FOXP1: variants seen among roughly 807,000 people sequenced by gnomAD.
The protein encoded by FOXP1 is forkhead box P1.
A neutral mutation model predicts 98.2 loss-of-function variants in FOXP1; 15 were observed. That is an observed-to-expected ratio of 0.15 (90% CI 0.10 to 0.24). FOXP1 has a LOEUF of 0.24. Among genes scored for constraint, FOXP1 ranks in the 10% least tolerant of loss-of-function variants. The pLI is 1.00. For missense variants in FOXP1, 633 were observed against 848.5 expected, an observed-to-expected ratio of 0.75 and a Z score of 3.15; for synonymous variants, 371 against 314.5, an observed-to-expected ratio of 1.18 and a Z score of -1.90.
chr3:71,179,231 C>T (rs1180794127), intron 6 of FOXP1, among the ~76,000 whole-genome samples: 5 of 148,336 alleles, frequency 3.4e-5, no homozygotes, highest in East Asian at 2.0e-4. Context: ...CGGGTTCAAG[C>T]GATTCTCCTG....
intron 3 of FOXP1, among the ~76,000 whole-genome samples, chr3:71,468,824 G>C (rs1011902212): frequency 1.3e-5 from 2 of 152,186 alleles, no homozygotes; most frequent in Non-Finnish European, 2.9e-5. Context: ...ACAAGCATCA[G>C]TGTGAAAGGA....
intron 12 of FOXP1, among the ~76,000 whole-genome samples, chr3:71,010,936 T>A (rs1420836344): frequency 1.4e-5 from 2 of 143,036 alleles, no homozygotes; most frequent in East Asian, 4.3e-4. Flanking sequence ...GAAAACAAAG[T>A]TGGTTTCATC....
chr3:70,960,880 C>T (rs1485520970), intron 20 of FOXP1, among the ~76,000 whole-genome samples: 117 of 143,328 alleles, frequency 8.2e-4, no homozygotes, highest in African/African-American at 2.9e-3. Flanking sequence ...CTTGCTCTGT[C>T]GCCCAGGCTG....
intron 7 of FOXP1, among the ~76,000 whole-genome samples, chr3:71,059,229 G>A (rs1005357603): frequency 3.3e-5 from 5 of 152,188 alleles, no homozygotes; most frequent in East Asian, 3.9e-4. Flanking sequence ...GCCAAGGCTC[G>A]CCTGCCAATC....
intron 7 of FOXP1, among the ~76,000 whole-genome samples, chr3:71,094,282 T>C (rs1045434909): frequency 4.1e-5 from 6 of 145,120 alleles, no homozygotes; most frequent in Admixed American, 6.8e-5. Context: ...TCTTTTCTTT[T>C]TTTTTTTTTT....
chr3:71,241,910 T>G (rs2067314824), intron 5 of FOXP1, among the ~76,000 whole-genome samples: 1 of 152,342 alleles, frequency 6.6e-6, no homozygotes, highest in African/African-American at 2.4e-5. Context: ...AATATATGTT[T>G]TAGAAGAGAG....
chr3:70,979,604 A>ACAG (rs2038425607), intron 14 of FOXP1, among the ~76,000 whole-genome samples: 3 of 141,098 alleles, frequency 2.1e-5, no homozygotes, highest in Admixed American at 6.8e-5. Flanking sequence ...ATCACTTACC[A>ACAG]TAGTAAGTCT....
chr3:70,957,680 C>T lies in FOXP1; in HGVS notation c.*1567G>A, dbSNP rs1181259094. 2 of 233,360 alleles carry T rather than the reference C, an allele frequency of 8.6e-6. No homozygotes were observed. 14.5% of individuals were successfully genotyped at this position (233,360 alleles called of 1,614,324 possible). A position where few individuals can be genotyped will look rare whatever the true frequency, so the allele number is the denominator to read the frequency against. On this transcript the variant is annotated 3_prime_UTR_variant, in exon 21 of 21. Transcript: ENST00000649528. ...TGAGGTTGTACTGACCTGTAACCAT[C>T]ACATTTCTGCATACCATGTTTGGGA... is the stretch of plus-strand genomic sequence containing the variant.
At chr3:71,168,990 G>A (rs940882538) in intron 6 of FOXP1, among the ~76,000 whole-genome samples, 1 of 152,182 alleles carries the variant, frequency 6.6e-6, no homozygotes, top group African/African-American at 2.4e-5. Flanking sequence ...CATGGGAGGA[G>A]AGCGTAAAAC....
intron 11 of FOXP1, among the ~76,000 whole-genome samples, chr3:71,018,474 G>A (rs776824845): frequency 6.6e-6 from 1 of 152,086 alleles, no homozygotes; most frequent in Non-Finnish European, 1.5e-5. Flanking sequence ...AGTGGTTCCC[G>A]AAGGAAGTGC....
intron 5 of FOXP1, among the ~76,000 whole-genome samples, chr3:71,279,570 C>G (rs1488352228): frequency 6.6e-6 from 1 of 152,164 alleles, no homozygotes; most frequent in East Asian, 1.9e-4. Flanking sequence ...TGCTGAGAAA[C>G]TGTCCTTAGG....
At chr3:70,961,077 C>A (rs1250057202) in intron 20 of FOXP1, among the ~76,000 whole-genome samples, 2 of 152,020 alleles carry the variant, frequency 1.3e-5, no homozygotes, top group Non-Finnish European at 2.9e-5. Context: ...CGTGATCCGC[C>A]CGCCTTGGCC....
chr3:71,382,134 G>T, intron 3 of FOXP1, among the ~76,000 whole-genome samples: 1 of 152,052 alleles, frequency 6.6e-6, no homozygotes, highest in East Asian at 1.9e-4. Flanking sequence ...TTTTGGCTGG[G>T]CATGGTGGTG....
At chr3:71,285,877 T>C (rs2072067144) in intron 5 of FOXP1, among the ~76,000 whole-genome samples, 1 of 152,170 alleles carries the variant, frequency 6.6e-6, no homozygotes, top group Non-Finnish European at 1.5e-5. Flanking sequence ...ATATAAGGAA[T>C]GGGCTACAGA....
intron 2 of FOXP1, among the ~76,000 whole-genome samples, chr3:71,557,575 T>C (rs1410887607): frequency 1.3e-5 from 2 of 152,224 alleles, no homozygotes; most frequent in Admixed American, 1.3e-4. Context: ...AAGGCAGCTC[T>C]GAGGCCTGGC....
At chr3:71,434,317 A>T (rs2085007855) in intron 3 of FOXP1, among the ~76,000 whole-genome samples, 1 of 151,070 alleles carries the variant, frequency 6.6e-6, no homozygotes, top group South Asian at 2.1e-4. Flanking sequence ...TGACAGCTTC[A>T]GAAGACACCT....
intron 3 of FOXP1, among the ~76,000 whole-genome samples, chr3:71,474,071 A>C (rs941933656): frequency 6.6e-6 from 1 of 152,222 alleles, no homozygotes; most frequent in Non-Finnish European, 1.5e-5. Context: ...AAGTAGGATA[A>C]AAAGTTATAA....
chr3:71,072,444 C>A (rs1337904754), intron 7 of FOXP1, among the ~76,000 whole-genome samples: 1 of 152,110 alleles, frequency 6.6e-6, no homozygotes, highest in African/African-American at 2.4e-5. Flanking sequence ...CAGGGAACAA[C>A]AACCAAAAAA....
intron 6 of FOXP1, among the ~76,000 whole-genome samples, chr3:71,184,468 C>T (rs1411251175): frequency 2.0e-5 from 3 of 152,192 alleles, no homozygotes; most frequent in Non-Finnish European, 2.9e-5. Context: ...CTGGTGTTTA[C>T]ATTTCAATAG....
Sources: allele counts gnomAD v4.1 joint callset (sites outside exome capture counted in the v4.1 genomes callset), GRCh38; gene constraint gnomAD v4.1.1; transcripts MANE v1.5; gene names NCBI Gene and HGNC (gene_info 2026-07-23, HGNC 2026-07-21).